Variants in SGF29 observed in about 807,000 individuals in gnomAD.
The protein encoded by SGF29 is SAGA-associated factor 29.
SGF29 carries 15 observed loss-of-function variants against 38.1 expected under a neutral mutation model. The ratio of observed to expected loss-of-function variants is 0.39; its 90% CI spans 0.26 to 0.61. SGF29 has a LOEUF of 0.61. SGF29 is among the 20% of genes least tolerant of loss of function. SGF29 has a pLI of 0.49. For synonymous variants in SGF29, 151 were observed against 160.8 expected, an observed-to-expected ratio of 0.94 and a Z score of 0.46; for missense variants, 184 against 394.6, an observed-to-expected ratio of 0.47 and a Z score of 4.52.
At chr16:28,588,230 C>G (rs1490315791) in intron 4 of SGF29, among the ~76,000 whole-genome samples, 1 of 152,188 alleles carries the variant, frequency 6.6e-6, no homozygotes, top group African/African-American at 2.4e-5. Context: ...CATAAACTAA[C>G]TTCACAGAGG....
chr16:28,588,715 C>T (rs896716197), intron 4 of SGF29: 11 of 377,200 alleles, frequency 2.9e-5, no homozygotes, highest in African/African-American at 1.1e-4. Context: ...CAGTTAAAGA[C>T]GCTCGCCACC....
intron 1 of SGF29, among the ~76,000 whole-genome samples, chr16:28,571,414 C>A (rs2046863670): frequency 6.6e-6 from 1 of 151,810 alleles, no homozygotes; most frequent in Admixed American, 6.6e-5. Context: ...GCCAACAAAG[C>A]AAAACCCCGT....
At chr16:28,589,359 G>T in intron 5 of SGF29, 195 bp downstream of exon 5, 1 of 578,390 alleles carries the variant, frequency 1.7e-6, no homozygotes, top group Admixed American at 3.0e-5. Context: ...GGGTTTCCCA[G>T]TTCTCCCTCA....
At chr16:28,562,880 G>A (rs1035836479) in intron 1 of SGF29, among the ~76,000 whole-genome samples, 9 of 145,544 alleles carry the variant, frequency 6.2e-5, no homozygotes, top group Non-Finnish European at 1.2e-4. Context: ...CTCCAGCTTG[G>A]GTGACAGAGT....
At chr16:28,587,156 A>G (rs2046960050) in intron 4 of SGF29, among the ~76,000 whole-genome samples, 1 of 152,182 alleles carries the variant, frequency 6.6e-6, no homozygotes, top group Admixed American at 6.5e-5. Flanking sequence ...TCCATTGCAT[A>G]ATTAATAAGT....
intron 1 of SGF29, among the ~76,000 whole-genome samples, chr16:28,565,642 C>T (rs930146539): frequency 6.6e-6 from 1 of 151,986 alleles, no homozygotes; most frequent in African/African-American, 2.4e-5. Flanking sequence ...GGACTACAGG[C>T]ACCCGCCACC....
intron 1 of SGF29, among the ~76,000 whole-genome samples, chr16:28,572,233 C>A (rs1468507051): frequency 6.6e-6 from 1 of 152,014 alleles, no homozygotes; most frequent in Non-Finnish European, 1.5e-5. Flanking sequence ...GCCTCAGCCT[C>A]CCTAAGTGCT....
At chr16:28,567,229 A>C (rs1019708839) in intron 1 of SGF29, among the ~76,000 whole-genome samples, 2 of 152,172 alleles carry the variant, frequency 1.3e-5, no homozygotes, top group Non-Finnish European at 2.9e-5. Flanking sequence ...GAGATGTTCA[A>C]CCAGTGAGTG....
At chr16:28,564,716 T>TGTGTATATATAC (rs1555474890) in intron 1 of SGF29, among the ~76,000 whole-genome samples, 20 of 75,558 alleles carry the variant, frequency 2.6e-4, no homozygotes, top group Admixed American at 2.2e-3. Context: ...TACATATATA[T>TGTGTATATATAC]GTATATATAT....
chr16:28,567,894 G>C (rs545787364), intron 1 of SGF29, among the ~76,000 whole-genome samples: 1 of 152,248 alleles, frequency 6.6e-6, no homozygotes, highest in African/African-American at 2.4e-5. Flanking sequence ...GAGTTTATTT[G>C]GGCCAAGGTT....
chr16:28,582,670 G>A (rs953096752), intron 2 of SGF29, among the ~76,000 whole-genome samples: 10 of 152,192 alleles, frequency 6.6e-5, no homozygotes, highest in Non-Finnish European at 1.5e-4. Flanking sequence ...AGGGCTGGGC[G>A]TGGTAACTCA....
At chr16:28,585,345 C>T in intron 3 of SGF29, 1 of 533,816 alleles carries the variant, frequency 1.9e-6, no homozygotes, top group Non-Finnish European at 3.4e-6. Context: ...GGCTTTCTTA[C>T]TCTGGGTAAC....
At chr16:28,567,774 T>C (rs1487882339) in intron 1 of SGF29, among the ~76,000 whole-genome samples, 1 of 152,192 alleles carries the variant, frequency 6.6e-6, no homozygotes, top group Non-Finnish European at 1.5e-5. Context: ...AGGAACATGT[T>C]AGTGGAAACT....
At chr16:28,578,900 C>A (rs944835819) in intron 1 of SGF29, among the ~76,000 whole-genome samples, 2 of 152,062 alleles carry the variant, frequency 1.3e-5, no homozygotes, top group African/African-American at 4.8e-5. Context: ...AGAGATCGCA[C>A]CGCTGCACTC....
chr16:28,575,526 A>G (rs967981117), intron 1 of SGF29, among the ~76,000 whole-genome samples: 1 of 152,066 alleles, frequency 6.6e-6, no homozygotes, highest in Non-Finnish European at 1.5e-5. Context: ...ACTAAAAGAA[A>G]TACAAAAATT....
At chr16:28,575,691 A>G (rs934163766) in intron 1 of SGF29, among the ~76,000 whole-genome samples, 2 of 152,216 alleles carry the variant, frequency 1.3e-5, no homozygotes, top group African/African-American at 4.8e-5. Flanking sequence ...TCTCAAAACA[A>G]ACAAGCAAAC....
At chr16:28,585,528 C>A in intron 3 of SGF29, 120 bp from the exon 4 acceptor site, 1 of 893,788 alleles carries the variant, frequency 1.1e-6, no homozygotes, top group South Asian at 1.4e-5. Context: ...GCCAGCAGAG[C>A]TCTGACTGCA....
intron 1 of SGF29, among the ~76,000 whole-genome samples, chr16:28,554,757 C>T (rs2046737238): frequency 6.6e-6 from 1 of 152,198 alleles, no homozygotes; most frequent in Non-Finnish European, 1.5e-5. Flanking sequence ...ACCCTTGAGC[C>T]TCTAGTCAGG....
chr16:28,571,495 A>C (rs956015450), intron 1 of SGF29, among the ~76,000 whole-genome samples: 1 of 151,040 alleles, frequency 6.6e-6, no homozygotes, highest in Admixed American at 6.6e-5. Flanking sequence ...TGGGAGGTTG[A>C]GGCAGGAGAA....
Sources: gnomAD v4.1 joint callset for allele counts (sites outside exome capture counted in the v4.1 genomes callset) on GRCh38, gnomAD v4.1.1 for gene constraint, MANE v1.5 for transcripts, NCBI Gene and HGNC (gene_info 2026-07-23, HGNC 2026-07-21) for gene names.